The following PLCZ1 variants were observed in gnomAD, a reference collection of about 807,000 sequenced individuals.
PLCZ1 encodes 1-phosphatidylinositol 4,5-bisphosphate phosphodiesterase zeta-1.
Under a neutral mutation model 76.8 loss-of-function variants are expected in PLCZ1, and 64 were observed. The observed-to-expected ratio is 0.83, with a 90% CI of 0.68 to 1.03. The LOEUF (loss-of-function observed/expected upper bound fraction) is 1.03, where lower values mean the gene tolerates loss of function less well. Among genes scored for constraint, PLCZ1 ranks in the 50% least tolerant of loss-of-function variants. PLCZ1 has a pLI of 0.00. For synonymous variants in PLCZ1, 248 were observed against 230.8 expected, an observed-to-expected ratio of 1.07 and a Z score of -0.68; for missense variants, 751 against 713.7, an observed-to-expected ratio of 1.05 and a Z score of -0.60.
At chr12:18,734,308 C>A (rs1030144238) in intron 3 of PLCZ1, among the ~76,000 whole-genome samples, 4 of 152,258 alleles carry the variant, frequency 2.6e-5, no homozygotes, top group South Asian at 4.1e-4. Flanking sequence ...TTGTATCTTG[C>A]AACTTTACTG....
chr12:18,700,201 T>C (rs1955691694), intron 9 of PLCZ1, among the ~76,000 whole-genome samples: 2 of 152,112 alleles, frequency 1.3e-5, no homozygotes, highest in Non-Finnish European at 2.9e-5. Context: ...ATTATTACTA[T>C]TTATTTTTTT....
the PLCZ1 span, among the ~76,000 whole-genome samples, chr12:18,674,002 G>A: frequency 6.6e-6 from 1 of 152,140 alleles, no homozygotes; most frequent in Admixed American, 6.6e-5. Flanking sequence ...TTGGATAAAA[G>A]CAGATTGTTT....
intron 7 of PLCZ1, among the ~76,000 whole-genome samples, chr12:18,704,281 A>C (rs1190768284): frequency 6.6e-6 from 1 of 152,214 alleles, no homozygotes; most frequent in Non-Finnish European, 1.5e-5. Context: ...AACAGGTTGC[A>C]AGGAGACAAG....
intron 12 of PLCZ1, among the ~76,000 whole-genome samples, chr12:18,688,732 T>G (rs901075304): frequency 6.6e-6 from 1 of 152,078 alleles, no homozygotes; most frequent in Non-Finnish European, 1.5e-5. Context: ...ATAATAATTG[T>G]ATTTAAACTT....
At chr12:18,650,702 G>GTA in the PLCZ1 span, among the ~76,000 whole-genome samples, 5 of 27,688 alleles carry the variant, frequency 1.8e-4, no homozygotes, top group Non-Finnish European at 4.6e-4. Context: ...GTGTGTGTGT[G>GTA]TGTATATATC....
intron 5 of PLCZ1, chr12:18,714,865 T>C (rs1298526693): frequency 2.0e-5 from 3 of 151,796 alleles, no homozygotes; most frequent in African/African-American, 4.8e-5. Context: ...ACTTAAAAAA[T>C]GAAAAGTTTG....
the PLCZ1 span, among the ~76,000 whole-genome samples, chr12:18,651,268 C>T: frequency 6.6e-6 from 1 of 151,980 alleles, no homozygotes; most frequent in Admixed American, 6.6e-5. Context: ...GCTCCCTTAC[C>T]TCTCTCAAAT....
At chr12:18,697,017 G>T (rs1458622153) in intron 10 of PLCZ1, among the ~76,000 whole-genome samples, 3 of 152,034 alleles carry the variant, frequency 2.0e-5, no homozygotes, top group Non-Finnish European at 4.4e-5. Flanking sequence ...TAATATTTAA[G>T]TCACTTGAGA....
chr12:18,711,529 T>TATAGTA (rs1957336764), intron 6 of PLCZ1, among the ~76,000 whole-genome samples: 1 of 142,462 alleles, frequency 7.0e-6, no homozygotes, highest in Non-Finnish European at 1.5e-5. Context: ...AAACTTAAAG[T>TATAGTA]ATAATAATAA....
chr12:18,670,872 A>G, the PLCZ1 span, among the ~76,000 whole-genome samples: 1 of 152,138 alleles, frequency 6.6e-6, no homozygotes, highest in African/African-American at 2.4e-5. Flanking sequence ...TCAATTGGAA[A>G]AATTATTTAA....
rs764575794 is a variant in PLCZ1, at chr12:18,684,201, T to G, written c.1670A>C (p.Glu557Ala). 1 of 1,612,236 alleles carries G rather than the reference T, an allele frequency of 6.2e-7. No homozygotes were observed. Among genetic ancestry groups the G allele is most frequent in the Non-Finnish European group, 8.5e-7 (1 of 1,178,870 alleles). ...PELALIRFVV[E>A]GQGLIAGNEF... ...ATTTCCTGCTATTAAACCTTGACCT[T>G]CAACAACAAAACGTATCAATGCCAA... Residue 557 changes from glutamate to alanine, a missense_variant, in exon 14 of 15, where the codon GAA (glutamate) becomes GCA (alanine). Physicochemically the swap from Glu to Ala is moderately radical, Grantham distance 107. Coordinates refer to ENST00000266505, the MANE Select transcript of PLCZ1 (RefSeq NM_033123.4).
intron 10 of PLCZ1, among the ~76,000 whole-genome samples, chr12:18,697,105 T>C (rs1955172316): frequency 6.6e-6 from 1 of 152,216 alleles, no homozygotes; most frequent in East Asian, 1.9e-4. Flanking sequence ...TCTCCAAGGA[T>C]TTTCTTTTTT....
At position 18,734,718 on chromosome 12, in the gene PLCZ1, G is replaced by C. The variant is rs143515367; in HGVS notation, c.135+1503C>G. On this transcript the variant is annotated intron_variant, in intron 3 of 14. Transcript: ENST00000266505. ...TAAGATTGTGCCATCAGTGAATAGA[G>C]ATAATTTTGCTTCTGCCTTTTTAAT... Among the ~76,000 whole-genome samples the C allele has an allele frequency of 2.7e-4, 41 of 152,250 alleles. No individual in the cohort carries two copies. In the East Asian group the frequency reaches 6.6e-3, roughly 24 times the overall value.
At chr12:18,737,159 C>T (rs959188659) in intron 2 of PLCZ1, among the ~76,000 whole-genome samples, 6 of 152,120 alleles carry the variant, frequency 3.9e-5, no homozygotes, top group African/African-American at 1.4e-4. Flanking sequence ...ATGACTTAAT[C>T]CAGCAAAGCT....
the PLCZ1 span, among the ~76,000 whole-genome samples, chr12:18,677,545 C>T: frequency 3.3e-5 from 5 of 152,090 alleles, no homozygotes; most frequent in East Asian, 9.7e-4. Flanking sequence ...AAAATGTCCC[C>T]TATGCTGTTT....
At chr12:18,687,638 T>G (rs1211131805) in intron 13 of PLCZ1, among the ~76,000 whole-genome samples, 1 of 152,150 alleles carries the variant, frequency 6.6e-6, no homozygotes, top group African/African-American at 2.4e-5. Flanking sequence ...TCAGTAGGCT[T>G]CTATGGCATC....
At chr12:18,709,699 TAACAATACCAC>T in intron 6 of PLCZ1, among the ~76,000 whole-genome samples, 1 of 151,976 alleles carries the variant, frequency 6.6e-6, no homozygotes, top group Admixed American at 6.6e-5. Flanking sequence ...CTCGACAACA[TAACAATACCAC>T]ACCCCAAGGG....
At chr12:18,736,494 T>A (rs768923170) in intron 2 of PLCZ1, 150 bp from the exon 3 acceptor site, 103 of 1,222,332 alleles carry the variant, frequency 8.4e-5, no homozygotes, top group Non-Finnish European at 1.0e-4. Context: ...AAATATTTTT[T>A]AAAAAACAAA....
intron 5 of PLCZ1, among the ~76,000 whole-genome samples, chr12:18,718,048 T>G (rs886977941): frequency 8.5e-5 from 13 of 152,120 alleles, no homozygotes; most frequent in East Asian, 5.8e-4. Flanking sequence ...TGCCAGTTTT[T>G]GGGGGTGCTT....
Sources: gnomAD v4.1 joint callset for allele counts (sites outside exome capture counted in the v4.1 genomes callset) on GRCh38, gnomAD v4.1.1 for gene constraint, MANE v1.5 for transcripts, NCBI Gene and HGNC (gene_info 2026-07-23, HGNC 2026-07-21) for gene names.